The following MAMDC2 variants were observed in gnomAD, a reference collection of about 807,000 sequenced individuals.
The protein encoded by MAMDC2 is MAM domain containing 2.
A neutral mutation model predicts 89.8 loss-of-function variants in MAMDC2; 57 were observed. The ratio of observed to expected loss-of-function variants is 0.63; its 90% confidence interval spans 0.51 to 0.79. The LOEUF (loss-of-function observed/expected upper bound fraction) is 0.79. Ranked by LOEUF, MAMDC2 falls within the 30% of genes least tolerant of loss-of-function variation. The probability of loss-of-function intolerance (pLI) is 0.00; values close to 1 mark genes in which losing one functional copy is unlikely to be tolerated. For missense variants in MAMDC2, 800 were observed against 820.6 expected, an observed-to-expected ratio of 0.97 and a Z score of 0.31; for synonymous variants, 313 against 293.4, an observed-to-expected ratio of 1.07 and a Z score of -0.68.
chr9:70,196,254 G>A (rs2032973620), intron 11 of MAMDC2, among the ~76,000 whole-genome samples: 1 of 152,070 alleles, frequency 6.6e-6, no homozygotes, highest in Non-Finnish European at 1.5e-5. Context: ...TTTGGGTGGG[G>A]ACACAGCCAC....
chr9:70,182,217 G>A (rs890588159), intron 11 of MAMDC2, among the ~76,000 whole-genome samples: 2 of 152,188 alleles, frequency 1.3e-5, no homozygotes, highest in African/African-American at 4.8e-5. Flanking sequence ...ACTTGATTGT[G>A]GTGGATAAGC....
intron 2 of MAMDC2, chr9:70,071,690 A>C (rs1178556043): frequency 6.6e-6 from 1 of 152,184 alleles, no homozygotes; most frequent in Non-Finnish European, 1.5e-5. Context: ...GGTTGAAAGC[A>C]TTTCCATTTG....
At chr9:70,053,216 G>A (rs1257651801) in intron 2 of MAMDC2, among the ~76,000 whole-genome samples, 3 of 152,210 alleles carry the variant, frequency 2.0e-5, no homozygotes, top group Non-Finnish European at 4.4e-5. Flanking sequence ...AGGTTTGCAA[G>A]TCAGATCTTC....
chr9:70,159,126 A>G (rs2031869957), intron 9 of MAMDC2, among the ~76,000 whole-genome samples: 2 of 152,068 alleles, frequency 1.3e-5, no homozygotes, highest in African/African-American at 4.8e-5. Context: ...AATAAGGATT[A>G]TCATGTGCTC....
chr9:70,091,564 T>C (rs184126453), intron 2 of MAMDC2, among the ~76,000 whole-genome samples: 17 of 152,338 alleles, frequency 1.1e-4, no homozygotes, highest in Admixed American at 2.6e-4. Flanking sequence ...CAGTGATATT[T>C]GGAACATATT....
At chr9:70,180,516 C>T (rs181744255) in intron 11 of MAMDC2, among the ~76,000 whole-genome samples, 33 of 152,292 alleles carry the variant, frequency 2.2e-4, no homozygotes, top group African/African-American at 6.7e-4. Flanking sequence ...CACATCCTCT[C>T]TCTACATCTG....
chr9:70,131,493 T>C (rs764525123), intron 6 of MAMDC2, 26 bp from the exon 7 acceptor site: 1 of 1,533,080 alleles, frequency 6.5e-7, no homozygotes, highest in Non-Finnish European at 8.9e-7. Flanking sequence ...TGTGAACATG[T>C]GACAGCATGC....
intron 9 of MAMDC2, among the ~76,000 whole-genome samples, chr9:70,150,746 G>C (rs552628741): frequency 1.5e-4 from 23 of 152,140 alleles, no homozygotes; most frequent in Admixed American, 3.3e-4. Context: ...TCTCTCTCCA[G>C]CCACCACCCT....
chr9:70,174,849 C>T (rs1002281555), intron 11 of MAMDC2, among the ~76,000 whole-genome samples: 2 of 151,958 alleles, frequency 1.3e-5, no homozygotes, highest in Non-Finnish European at 2.9e-5. Flanking sequence ...CCTCAGGCTC[C>T]CGACTAGCTG....
intron 11 of MAMDC2, among the ~76,000 whole-genome samples, chr9:70,204,174 C>T (rs1259017753): frequency 9.4e-5 from 14 of 149,604 alleles, no homozygotes; most frequent in African/African-American, 3.4e-4. Context: ...GTTTTTTCCC[C>T]ATCTTTGTGG....
chr9:70,118,831 T>C (rs2030150579), intron 5 of MAMDC2, among the ~76,000 whole-genome samples: 2 of 152,210 alleles, frequency 1.3e-5, no homozygotes, highest in Non-Finnish European at 2.9e-5. Context: ...CTTTGTGTTG[T>C]AGAAAAGCAA....
chr9:70,143,100 T>A (rs1304781845), intron 8 of MAMDC2, among the ~76,000 whole-genome samples: 1 of 152,182 alleles, frequency 6.6e-6, no homozygotes, highest in Non-Finnish European at 1.5e-5. Context: ...CCACAAAGAC[T>A]GCCAGGCCAG....
intron 11 of MAMDC2, among the ~76,000 whole-genome samples, chr9:70,198,664 C>A (rs962031560): frequency 2.0e-5 from 3 of 152,118 alleles, no homozygotes; most frequent in African/African-American, 7.2e-5. Context: ...GAAAGAAACA[C>A]CAGCACTTTC....
At chr9:70,068,270 T>C (rs939767586) in intron 2 of MAMDC2, among the ~76,000 whole-genome samples, 1 of 152,198 alleles carries the variant, frequency 6.6e-6, no homozygotes, top group Non-Finnish European at 1.5e-5. Flanking sequence ...ATAATCACTC[T>C]GCATCTAGAG....
At chr9:70,184,650 C>G (rs1011614256) in intron 11 of MAMDC2, among the ~76,000 whole-genome samples, 2 of 151,542 alleles carry the variant, frequency 1.3e-5, no homozygotes, top group African/African-American at 4.8e-5. Flanking sequence ...TTCTGATATT[C>G]TTTCTTCTGC....
chr9:70,053,480 A>G (rs545271080), intron 2 of MAMDC2, among the ~76,000 whole-genome samples: 1 of 152,338 alleles, frequency 6.6e-6, no homozygotes, highest in South Asian at 2.1e-4. Context: ...CATAGGGTTC[A>G]CAGTCATGGT....
At chr9:70,099,499 C>T (rs976495376) in intron 2 of MAMDC2, among the ~76,000 whole-genome samples, 2 of 152,098 alleles carry the variant, frequency 1.3e-5, no homozygotes, top group Non-Finnish European at 1.5e-5. Context: ...ACTTCATGAA[C>T]ATTTGCTGGA....
intron 11 of MAMDC2, 71 bp downstream of exon 11, chr9:70,170,702 C>T: frequency 7.0e-7 from 1 of 1,424,862 alleles, no homozygotes; most frequent in South Asian, 1.5e-5. Flanking sequence ...TCGTTTACTG[C>T]ATTTTGAAAT....
chr9:70,205,396 A>G (rs898871908), intron 11 of MAMDC2, among the ~76,000 whole-genome samples: 1 of 152,214 alleles, frequency 6.6e-6, no homozygotes, highest in African/African-American at 2.4e-5. Flanking sequence ...GACACCTTCT[A>G]CAATTGTTCT....
Sources: gnomAD v4.1 joint callset for allele counts (sites outside exome capture counted in the v4.1 genomes callset) on GRCh38, gnomAD v4.1.1 for gene constraint, MANE v1.5 for transcripts, NCBI Gene and HGNC (gene_info 2026-07-23, HGNC 2026-07-21) for gene names.